The following GPC6 variants were observed in gnomAD, a reference collection of about 807,000 sequenced individuals.
GPC6 encodes glypican-6.
GPC6 carries 14 observed loss-of-function variants against 55.2 expected under a neutral mutation model. That is an observed-to-expected ratio of 0.25 (90% CI 0.17 to 0.40). The LOEUF is 0.40. Among genes scored for constraint, GPC6 ranks in the 10% least tolerant of loss-of-function variants. GPC6 has a pLI of 1.00. For missense variants in GPC6, 641 were observed against 708.5 expected (o/e 0.90, Z 1.08); for synonymous variants, 278 against 259.6 (o/e 1.07, Z -0.68).
intron 2 of GPC6, among the ~76,000 whole-genome samples, chr13:93,604,133 C>T (rs551790921): frequency 9.2e-5 from 14 of 152,290 alleles, no homozygotes; most frequent in South Asian, 4.1e-4. Flanking sequence ...CTTTGGTTTA[C>T]GTCTCTGAGG....
chr13:93,558,023 G>A (rs1391754439), intron 2 of GPC6, among the ~76,000 whole-genome samples: 1 of 152,068 alleles, frequency 6.6e-6, no homozygotes, highest in Non-Finnish European at 1.5e-5. Context: ...GTTTTATTTA[G>A]AAAAATTTTA....
chr13:93,375,584 G>A (rs566172137), intron 1 of GPC6, among the ~76,000 whole-genome samples: 1 of 152,302 alleles, frequency 6.6e-6, no homozygotes, highest in South Asian at 2.1e-4. Flanking sequence ...CCAGAGGAAA[G>A]AATGAGTCTT....
intron 6 of GPC6, among the ~76,000 whole-genome samples, chr13:94,377,193 G>A (rs1879909486): frequency 6.6e-6 from 1 of 151,864 alleles, no homozygotes. Flanking sequence ...AGACACAATT[G>A]ACAAATGGGA....
chr13:94,338,391 A>G (rs1877838611), intron 6 of GPC6, among the ~76,000 whole-genome samples: 1 of 152,188 alleles, frequency 6.6e-6, no homozygotes. Context: ...ATCTCTGCAG[A>G]GAGCAGAAAC....
intron 2 of GPC6, among the ~76,000 whole-genome samples, chr13:93,700,425 G>T (rs958336293): frequency 6.6e-6 from 1 of 151,998 alleles, no homozygotes; most frequent in Admixed American, 6.6e-5. Context: ...CCTCAATCTG[G>T]TGTGTTTCTC....
At chr13:93,846,199 TATC>T (rs768799064) in intron 3 of GPC6, among the ~76,000 whole-genome samples, 28 of 152,142 alleles carry the variant, frequency 1.8e-4, no homozygotes, top group Non-Finnish European at 2.8e-4. Flanking sequence ...GTCATTATAA[TATC>T]ATCACCATTA....
At chr13:93,697,013 C>T (rs1320878509) in intron 2 of GPC6, among the ~76,000 whole-genome samples, 1 of 152,056 alleles carries the variant, frequency 6.6e-6, no homozygotes, top group Non-Finnish European at 1.5e-5. Flanking sequence ...CTGTATAGCC[C>T]AAGGAATCCC....
At chr13:94,127,439 T>A (rs1886858276) in intron 4 of GPC6, among the ~76,000 whole-genome samples, 1 of 152,098 alleles carries the variant, frequency 6.6e-6, no homozygotes, top group Non-Finnish European at 1.5e-5. Flanking sequence ...CAGCTCCGCC[T>A]TTGCCTTCCA....
chr13:93,979,576 G>C (rs1245591855), intron 3 of GPC6, among the ~76,000 whole-genome samples: 2 of 151,956 alleles, frequency 1.3e-5, no homozygotes, highest in African/African-American at 4.8e-5. Context: ...TACAGAAATT[G>C]AAAGTAAGCA....
intron 2 of GPC6, among the ~76,000 whole-genome samples, chr13:93,662,359 GT>G (rs1880958122): frequency 6.6e-6 from 1 of 152,198 alleles, no homozygotes; most frequent in Non-Finnish European, 1.5e-5. Flanking sequence ...GCTGGGGGTG[GT>G]GGCTCACGCC....
intron 6 of GPC6, among the ~76,000 whole-genome samples, chr13:94,338,762 AC>A (rs1276754460): frequency 2.0e-5 from 3 of 152,146 alleles, no homozygotes; most frequent in African/African-American, 7.2e-5. Flanking sequence ...TCTGTAGTAA[AC>A]CCATGTAAAA....
chr13:93,266,961 G>T (rs1877344322), intron 1 of GPC6, among the ~76,000 whole-genome samples: 1 of 152,148 alleles, frequency 6.6e-6, no homozygotes, highest in Admixed American at 6.5e-5. Context: ...AGAGACTCAT[G>T]CTTTCTGGAT....
chr13:93,422,910 C>A (rs1398795541), intron 1 of GPC6, among the ~76,000 whole-genome samples: 1 of 152,090 alleles, frequency 6.6e-6, no homozygotes, highest in East Asian at 1.9e-4. Context: ...CCTTAAAAAG[C>A]ACAGAGTAGA....
rs569116393 is a variant in GPC6 at position 94,108,000 on chromosome 13, G to A, written c.877+80106G>A. Among the ~76,000 whole-genome samples, 317 of 152,136 alleles carry A rather than the reference G, an allele frequency of 2.1e-3. 3 individuals are homozygous for A. Among genetic ancestry groups the A allele is most frequent in the African/African-American group, 7.3e-3 (304 of 41,518 alleles). ...GTGGACATTCCTTAAATAACTAAAA[G>A]TAGAACTACCATTTGATCCAGCAAT... On this transcript the variant is annotated intron_variant, in intron 4 of 8. Coordinates refer to ENST00000377047, the MANE Select transcript of GPC6 (RefSeq NM_005708.5).
At chr13:93,952,044 T>C (rs1879276280) in intron 3 of GPC6, among the ~76,000 whole-genome samples, 1 of 152,136 alleles carries the variant, frequency 6.6e-6, no homozygotes, top group Admixed American at 6.5e-5. Flanking sequence ...CCTTAGAATA[T>C]GCACTAAATA....
chr13:94,255,355 C>A (rs942217394), intron 4 of GPC6, among the ~76,000 whole-genome samples: 1 of 151,998 alleles, frequency 6.6e-6, no homozygotes, highest in African/African-American at 2.4e-5. Context: ...TTTTATAGAC[C>A]CTTCAGCTTA....
At chr13:93,586,781 T>A (rs1465688446) in intron 2 of GPC6, among the ~76,000 whole-genome samples, 1 of 152,180 alleles carries the variant, frequency 6.6e-6, no homozygotes, top group Admixed American at 6.5e-5. Context: ...ACTAGTTTCA[T>A]AGTTTATATG....
intron 4 of GPC6, among the ~76,000 whole-genome samples, chr13:94,262,568 G>A (rs547499420): frequency 2.4e-4 from 36 of 151,994 alleles, no homozygotes; most frequent in African/African-American, 8.2e-4. Context: ...AGCTGCTTGG[G>A]AGGCTGAGGC....
chr13:94,277,996 A>G (rs1892263785), intron 4 of GPC6, among the ~76,000 whole-genome samples: 1 of 152,148 alleles, frequency 6.6e-6, no homozygotes, highest in Non-Finnish European at 1.5e-5. Flanking sequence ...GTTTGATGGG[A>G]ATAGCAGTGA....
Sources: gnomAD v4.1 joint callset for allele counts (sites outside exome capture counted in the v4.1 genomes callset) on GRCh38, gnomAD v4.1.1 for gene constraint, MANE v1.5 for transcripts, NCBI Gene and HGNC (gene_info 2026-07-23, HGNC 2026-07-21) for gene names.